IRAK1: variants seen among roughly 807,000 people sequenced by gnomAD.
IRAK1 encodes interleukin-1 receptor-associated kinase 1.
In IRAK1, 9 loss-of-function variants were observed where a neutral mutation model predicts 49.8. That is an observed-to-expected ratio of 0.18 (90% CI 0.11 to 0.32). IRAK1 has a LOEUF of 0.32. IRAK1 is among the 10% of genes least tolerant of loss of function. IRAK1 has a pLI of 1.00. For missense variants in IRAK1, 418 were observed against 600.5 expected, an observed-to-expected ratio of 0.70 and a Z score of 3.18; for synonymous variants, 282 against 270.8, an observed-to-expected ratio of 1.04 and a Z score of -0.41.
Position 154,014,177 on chromosome X carries a change from G to A in IRAK1, c.1404C>T (p.Pro468=), listed in dbSNP as rs1603303883. 2 of 1,207,774 alleles carry A rather than the reference G, an allele frequency of 1.7e-6. No homozygotes were observed. Among genetic ancestry groups the A allele is most frequent in the Non-Finnish European group, 2.2e-6 (2 of 894,305 alleles). The change falls in exon 11 of 14, where the codon CCC becomes CCT. Residue 468 remains proline, a synonymous_variant. Coordinates refer to ENST00000369980, the MANE Select transcript of IRAK1 (RefSeq NM_001569.4). ...GCTTCTTGTAGATCTGCATGGCGAT[G>A]GGAGCAGCCCAGGCATCTGCAGCCA... The part of the protein sequence containing the change: ...AGLAADAWAA[P]IAMQIYKKHL...
At chrX:154,016,921 C>A (rs782749932) in intron 8 of IRAK1, 28 bp downstream of exon 8, 39 of 1,084,101 alleles carry the variant, frequency 3.6e-5, no homozygotes, top group Middle Eastern at 5.0e-4. Flanking sequence ...AGGCCCTGCC[C>A]CGGCAGTTCT....
At position 154,011,476 on chromosome X, in the gene IRAK1, C is replaced by G; in HGVS notation, c.*383G>C. 1 of 291,342 alleles carries G rather than the reference C, an allele frequency of 3.4e-6. No individual in the cohort carries two copies. The highest frequency in any genetic ancestry group is 6.3e-6 in the Non-Finnish European group (1 of 158,987). The allele number at this position is 291,342 out of a possible 1,213,427, so 24.0% of individuals were successfully genotyped here. On this transcript the variant is annotated 3_prime_UTR_variant, in exon 14 of 14. Transcript: ENST00000369980. ...GGTGGCCACTGTCCAAAGAGATGGGCAAAGAGCTGCTGCCAGAGGCCTGGG... is the reference window on the plus strand; with the variant it reads ...GGTGGCCACTGTCCAAAGAGATGGGGAAAGAGCTGCTGCCAGAGGCCTGGG...
chrX:154,018,183 C>A lies in IRAK1; in HGVS notation c.795-63G>T, dbSNP rs1177128039. Reference sequence around the variant, plus strand: ...CTGGGTGGGCAGCCCTGGCTGGGGCCTCAGCTCGCCCGGGCCTGCCAGGCC... The same window carrying A: ...CTGGGTGGGCAGCCCTGGCTGGGGCATCAGCTCGCCCGGGCCTGCCAGGCC... On this transcript the variant is annotated intron_variant, in intron 6 of 13. Coordinates refer to ENST00000369980, the MANE Select transcript of IRAK1 (RefSeq NM_001569.4). 1.6e-5 allele frequency: 17 copies of A among 1,083,181 alleles called. No individual in the cohort carries two copies. The East Asian group carries it at 4.0e-4, about 26-fold the overall frequency. 89.3% of individuals were successfully genotyped at this position (1,083,181 alleles called of 1,213,427 possible).
Position 154,013,684 on chromosome X carries a change from C to T in IRAK1, c.1540-251G>A, listed in dbSNP as rs1252697832. Among the ~76,000 whole-genome samples, 4 of 113,057 alleles carry T rather than the reference C, an allele frequency of 3.5e-5. 1 individual carries two copies. Among genetic ancestry groups the T allele is most frequent in the African/African-American group, 1.3e-4 (4 of 31,146 alleles). On this transcript the variant is annotated intron_variant, in intron 11 of 13. Transcript: ENST00000369980. Reference sequence around the variant, plus strand: ...TTCTACAAAATGAATCTCACTGCCCCGCTGCCCTCAAACGGGGCCTCTCCA... The same window carrying T: ...TTCTACAAAATGAATCTCACTGCCCTGCTGCCCTCAAACGGGGCCTCTCCA...
chrX:154,018,207 C>T, intron 6 of IRAK1, 84 bp downstream of exon 6: 1 of 1,052,535 alleles, frequency 9.5e-7, no homozygotes, highest in Non-Finnish European at 1.3e-6. Context: ...GCCTGCCAGG[C>T]CTCAGGTGCC....
chrX:154,018,005 C>T lies in IRAK1; in HGVS notation c.909+1G>A. ...AAGCGTGCCGGGCCAGGTGAGCCTACCTGGCAGTGGAGACGGTCCTCCAGG... is the reference window on the plus strand; with the variant it reads ...AAGCGTGCCGGGCCAGGTGAGCCTATCTGGCAGTGGAGACGGTCCTCCAGG... On this transcript the variant is annotated splice_donor_variant, in intron 7 of 13. Transcript: ENST00000369980. LOFTEE classifies it high-confidence loss of function. 1 of 1,187,979 alleles carries T rather than the reference C, an allele frequency of 8.4e-7. No homozygotes were observed. The highest frequency in any genetic ancestry group is 1.1e-6 in the Non-Finnish European group (1 of 873,868).
chrX:154,018,467 C>T lies in IRAK1; in HGVS notation c.730-112G>A. The T allele has an allele frequency of 5.5e-6, 5 of 908,222 alleles. No homozygotes were observed. In the East Asian group the frequency reaches 1.2e-4, roughly 22 times the overall value. 74.8% of individuals were successfully genotyped at this position (908,222 alleles called of 1,213,427 possible). A position where few individuals can be genotyped will look rare whatever the true frequency, so the allele number is the denominator to read the frequency against. ...GCCACCTACCCGAGGCCCAGAACCA[C>T]CAAGGGGCCAGGGACCCTACGCCAG... On this transcript the variant is annotated intron_variant, in intron 5 of 13. Coordinates refer to ENST00000369980, the MANE Select transcript of IRAK1 (RefSeq NM_001569.4).
rs781926942 is a variant in IRAK1 at position 154,019,428 on chromosome X, C to T, written c.304+3G>A. The T allele has an allele frequency of 3.7e-5, 42 of 1,120,559 alleles. No homozygotes were observed. The South Asian group carries it at 7.9e-4, about 21-fold the overall frequency. 92.3% of individuals were successfully genotyped at this position (1,120,559 alleles called of 1,213,427 possible). A position where few individuals can be genotyped will look rare whatever the true frequency, so the allele number is the denominator to read the frequency against. ...CGTGGGGTGCCCGGAGTCCCGCGCT[C>T]ACAGGCTGTGATGATGTCCCGCGCA... On this transcript the variant is annotated splice_donor_region_variant and intron_variant, in intron 2 of 13. Transcript: ENST00000369980.
Position 154,019,516 on chromosome X carries a change from C to T in IRAK1, c.219G>A (p.Trp73Ter). 8.4e-7 allele frequency: 1 copy of T among 1,186,748 alleles called. No homozygotes were observed. Among genetic ancestry groups the T allele is most frequent in the Non-Finnish European group, 1.1e-6 (1 of 888,817 alleles). The stretch of plus-strand genomic sequence containing the variant: ...CGGCCACACGGGCGTTGCGGTTGAT[C>T]CAGGGCCACAGGACGCTGGCCGTGC... ...GQRTASVLWP[W>*]INRNARVADL... The change falls in exon 2 of 14, where the codon TGG becomes TGA. Residue 73 changes from tryptophan to a stop codon, truncating the protein, a stop_gained. Coordinates refer to ENST00000369980, the MANE Select transcript of IRAK1 (RefSeq NM_001569.4). LOFTEE classifies it high-confidence loss of function.
At position 154,016,497 on chromosome X, in the gene IRAK1, G is replaced by C. The variant is rs1341800653; in HGVS notation, c.1176C>G (p.Pro392=). 1 of 1,210,778 alleles carries C rather than the reference G, an allele frequency of 8.3e-7. No individual in the cohort carries two copies. Among genetic ancestry groups the C allele is most frequent in the East Asian group, 3.0e-5 (1 of 33,800 alleles). The change falls in exon 9 of 14, where the codon CCC becomes CCG. Residue 392 remains proline, a synonymous_variant. Coordinates refer to ENST00000369980, the MANE Select transcript of IRAK1 (RefSeq NM_001569.4). Reference sequence around the variant, plus strand: ...GCCTTCCCGTCTTGATGTACTCCTCGGGCAGGTAGGCCAGGGTGCCCCGCA... The same window carrying C: ...GCCTTCCCGTCTTGATGTACTCCTCCGGCAGGTAGGCCAGGGTGCCCCGCA... The part of the protein sequence containing the change: ...QTVRGTLAYL[P]EEYIKTGRLA...
At position 154,019,031 on chromosome X, in the gene IRAK1, G is replaced by A. The variant is rs781937652; in HGVS notation, c.484C>T (p.Pro162Ser). ...GGAGGCCACAGGGAAGCAGGGCTTG[G>A]GACCAGGCCGAGCTCAGGCCCTGAA... ...THSGPELGLV[P>S]SPASLWPPPP... Residue 162 changes from proline (P) to serine (S), a missense_variant, in exon 4 of 14, where the codon CCA (proline) becomes TCA (serine). Physicochemically the swap from Pro to Ser is moderately conservative, Grantham distance 74. Coordinates refer to ENST00000369980, the MANE Select transcript of IRAK1 (RefSeq NM_001569.4). The A allele has an allele frequency of 3.1e-5, 37 of 1,208,296 alleles. No individual in the cohort carries two copies. The highest frequency in any genetic ancestry group is 3.8e-5 in the Non-Finnish European group (34 of 894,122).
intron 10 of IRAK1, among the ~76,000 whole-genome samples, chrX:154,015,000 C>T (rs1176065567): frequency 9.0e-6 from 1 of 111,222 alleles, no homozygotes; most frequent in African/African-American, 3.3e-5. Flanking sequence ...CGCAGAGAGG[C>T]GCCCCCAGGG....
chrX:154,013,218 G>A lies in IRAK1; in HGVS notation c.1755C>T (p.Pro585=), dbSNP rs781953997. 5.0e-6 allele frequency: 6 copies of A among 1,209,926 alleles called. No individual in the cohort carries two copies. The highest frequency in any genetic ancestry group is 2.2e-6 in the Non-Finnish European group (2 of 895,277). Reference sequence around the variant, plus strand: ...CGCCTAGGCTCTCGTCACTCTCCACGGGCTGGTTGGGGCCTCTCTGCAGCT... The same window carrying A: ...CGCCTAGGCTCTCGTCACTCTCCACAGGCTGGTTGGGGCCTCTCTGCAGCT... ...AEQLQRGPNQ[P]VESDESLGGL... Residue 585 remains proline, a synonymous_variant, in exon 12 of 14, where the codon CCC becomes CCT. Coordinates refer to ENST00000369980, the MANE Select transcript of IRAK1 (RefSeq NM_001569.4).
Position 154,013,236 on chromosome X carries a change from C to A in IRAK1, c.1737G>T (p.Gln579His). Residue 579 changes from glutamine (Q) to histidine (H), a missense_variant, in exon 12 of 14, where the codon CAG becomes CAT. Physicochemically the swap from Gln to His is conservative, Grantham distance 24 (BLOSUM62 0). Transcript: ENST00000369980. Reference protein sequence around the residue: ...GASAQAAEQLQRGPNQPVESD... With the variant: ...GASAQAAEQLHRGPNQPVESD... ...TCTCCACGGGCTGGTTGGGGCCTCT[C>A]TGCAGCTGCTCTGCTGCCTGGGCAC... The A allele has an allele frequency of 8.3e-7, 1 of 1,210,444 alleles. No homozygotes were observed. Among genetic ancestry groups the A allele is most frequent in the Non-Finnish European group, 1.1e-6 (1 of 895,402 alleles).
rs1557127998 is a variant in IRAK1, at chrX:154,013,159, G to A, written c.1814C>T (p.Thr605Ile). 1 of 1,209,886 alleles carries A rather than the reference G, an allele frequency of 8.3e-7. No homozygotes were observed. The highest frequency in any genetic ancestry group is 1.8e-5 in the South Asian group (1 of 56,841). ...LSAALRSWHL[T>I]PSCPLDPAPL... is the part of the protein sequence containing the mutation. Reference sequence around the variant, plus strand: ...TGCTGGGTCCAGAGGGCAGCTTGGAGTCAAGTGCCAGGAGCGCAGGGCAGC... The same window carrying A: ...TGCTGGGTCCAGAGGGCAGCTTGGAATCAAGTGCCAGGAGCGCAGGGCAGC... The change falls in exon 12 of 14, where the codon ACT (threonine) becomes ATT (isoleucine). Residue 605 changes from threonine to isoleucine, a missense_variant. This residue lies in a region of IRAK1 where 377 missense variants were observed against 499.5 expected (regional missense o/e 0.75). Transcript: ENST00000369980.
chrX:154,018,401 C>T (rs1363598131), intron 5 of IRAK1, 46 bp from the exon 6 acceptor site: 3 of 1,063,179 alleles, frequency 2.8e-6, no homozygotes, highest in Non-Finnish European at 3.9e-6. Context: ...GGAAGACGGG[C>T]AGCGTGAGGC....
intron 5 of IRAK1, 111 bp downstream of exon 5, chrX:154,018,488 G>T (rs1569547802): frequency 1.4e-5 from 13 of 898,619 alleles, no homozygotes; most frequent in Non-Finnish European, 2.1e-5. Flanking sequence ...GGGACCCTAC[G>T]CCAGAATGAG....
intron 11 of IRAK1, 97 bp downstream of exon 11, chrX:154,013,945 A>G: frequency 2.9e-6 from 3 of 1,041,497 alleles, no homozygotes; most frequent in Non-Finnish European, 3.9e-6. Flanking sequence ...GAGACTCCAG[A>G]GAGACCTAGC....
Position 154,013,371 on chromosome X carries a change from G to A in IRAK1, c.1602C>T (p.Ala534=), listed in dbSNP as rs1557128147. ...GCGGGGAAGGGGGGATGCAGCTGGC[G>A]GCCTCCGAATGCCCGGGCACCCCCG... ...VVAGVPGHSE[A]ASCIPPSPQE... The change falls in exon 12 of 14, where the codon GCC becomes GCT. Residue 534 remains alanine (A), a synonymous_variant. Coordinates refer to ENST00000369980, the MANE Select transcript of IRAK1 (RefSeq NM_001569.4). The A allele has an allele frequency of 3.3e-6, 4 of 1,200,883 alleles. No individual in the cohort carries two copies. The highest frequency in any genetic ancestry group is 2.3e-5 in the Admixed American group (1 of 44,092).
Sources: allele counts gnomAD v4.1 joint callset (sites outside exome capture counted in the v4.1 genomes callset), GRCh38; gene constraint gnomAD v4.1.1; regional missense constraint gnomAD v4.1.1; transcripts MANE v1.5; gene names NCBI Gene and HGNC (gene_info 2026-07-23, HGNC 2026-07-21).